Variants in REXO2 observed in about 807,000 individuals in gnomAD.
The protein encoded by REXO2 is oligoribonuclease, mitochondrial.
REXO2 carries 17 observed loss-of-function variants against 30.9 expected under a neutral mutation model. The observed-to-expected ratio is 0.55, with a 90% CI of 0.38 to 0.82. The LOEUF is 0.82. Among genes scored for constraint, REXO2 ranks in the 40% least tolerant of loss-of-function variants. The probability of loss-of-function intolerance (pLI) is 0.00; values close to 1 mark genes in which losing one functional copy is unlikely to be tolerated. For missense variants in REXO2, 253 were observed against 293.2 expected (o/e 0.86, Z 1.00); for synonymous variants, 105 against 99.6 (o/e 1.05, Z -0.32).
chr11:114,444,176 A>G (rs1173588267), intron 3 of REXO2: 1 of 620,942 alleles, frequency 1.6e-6, no homozygotes, highest in African/African-American at 1.8e-5. Context: ...CGCATTGTGG[A>G]TTGTCAAGTA....
chr11:114,443,916 A>G lies in REXO2; in HGVS notation c.292A>G (p.Lys98Glu). ...ELLDSMSDWC[K>E]EHHGKSGLTK... ...GCTGGACAGCATGTCAGATTGGTGT[A>G]AGGAGCATCACGGGAAGGTAACATT... is the stretch of plus-strand genomic sequence containing the variant. The change falls in exon 3 of 7, where the codon AAG becomes GAG. Residue 98 changes from lysine (K) to glutamate (E), a missense_variant. Coordinates refer to ENST00000265881, the MANE Select transcript of REXO2 (RefSeq NM_015523.4). 1.2e-6 allele frequency: 2 copies of G among 1,608,340 alleles called. No individual in the cohort carries two copies. Among genetic ancestry groups the G allele is most frequent in the South Asian group, 1.1e-5 (1 of 89,562 alleles).
intron 4 of REXO2, 142 bp downstream of exon 4, chr11:114,444,794 A>G (rs1046800423): frequency 6.7e-6 from 3 of 446,696 alleles, no homozygotes; most frequent in East Asian, 3.6e-5. Flanking sequence ...TTTCTGTTCA[A>G]GTTTCTCTGT....
intron 1 of REXO2, 105 bp downstream of exon 1, chr11:114,439,780 T>C: frequency 7.4e-7 from 1 of 1,354,374 alleles, no homozygotes; most frequent in Non-Finnish European, 9.7e-7. Flanking sequence ...GGGTCTCAGG[T>C]GTGGCAGGTG....
rs749877774 is a variant in REXO2 at position 114,447,857 on chromosome 11, C to T, written c.562C>T (p.Pro188Ser). Residue 188 changes from proline to serine, a missense_variant, in exon 6 of 7, where the codon CCA becomes TCA. Pro to Ser is a moderately conservative substitution (Grantham distance 74). Coordinates refer to ENST00000265881, the MANE Select transcript of REXO2 (RefSeq NM_015523.4). ...RWYPEEYEFA[P>S]KKAASHRALD... ...GTATCCAGAAGAATATGAATTTGCA[C>T]CAAAGAAGGCTGCTTCTCATAGGTA... 5.0e-6 allele frequency: 8 copies of T among 1,613,720 alleles called. No homozygotes were observed. Among genetic ancestry groups the T allele is most frequent in the Non-Finnish European group, 6.8e-6 (8 of 1,179,878 alleles).
chr11:114,447,704 G>T, intron 5 of REXO2, 122 bp from the exon 6 acceptor site: 1 of 735,968 alleles, frequency 1.4e-6, no homozygotes. Context: ...CCCCGGCAAA[G>T]AAGCAACTTG....
At chr11:114,439,863 C>A in intron 1 of REXO2, 188 bp downstream of exon 1, 1 of 645,452 alleles carries the variant, frequency 1.5e-6, no homozygotes, top group South Asian at 2.0e-5. Context: ...CGCCGTGCTG[C>A]GCTGTAGGGC....
At chr11:114,442,842 G>C (rs1196762185) in intron 2 of REXO2, among the ~76,000 whole-genome samples, 1 of 151,922 alleles carries the variant, frequency 6.6e-6, no homozygotes. Flanking sequence ...GAATTTGAGG[G>C]CTACTTTGTG....
At position 114,445,966 on chromosome 11, in the gene REXO2, C is replaced by A; in HGVS notation, c.422-13C>A. On this transcript the variant is annotated splice_polypyrimidine_tract_variant and intron_variant, in intron 4 of 6. Transcript: ENST00000265881. Reference sequence around the variant, plus strand: ...AGAAATATAGAGATGCAGTATGCTTCGTGTCTTTCTAGGAAATTCAGTTCA... The same window carrying A: ...AGAAATATAGAGATGCAGTATGCTTAGTGTCTTTCTAGGAAATTCAGTTCA... 2 of 1,392,760 alleles carry A rather than the reference C, an allele frequency of 1.4e-6. No homozygotes were observed. Among genetic ancestry groups the A allele is most frequent in the Non-Finnish European group, 2.0e-6 (2 of 979,152 alleles). 86.3% of individuals were successfully genotyped at this position (1,392,760 alleles called of 1,614,324 possible).
intron 3 of REXO2, 169 bp from the exon 4 acceptor site, chr11:114,444,372 G>A: frequency 1.6e-6 from 1 of 629,222 alleles, no homozygotes; most frequent in Admixed American, 2.8e-5. Flanking sequence ...GATTCTTGAA[G>A]AAAAAAAAAT....
At chr11:114,448,017 T>C in intron 6 of REXO2, 138 bp downstream of exon 6, 1 of 675,322 alleles carries the variant, frequency 1.5e-6, no homozygotes, top group Non-Finnish European at 2.5e-6. Flanking sequence ...CATAACATTC[T>C]TTTACTGTTA....
chr11:114,441,627 T>C lies in REXO2; in HGVS notation c.231+888T>C, dbSNP rs1279734618. On this transcript the variant is annotated intron_variant, in intron 2 of 6. Transcript: ENST00000265881. ...CCAGAATAGGAACAAAGTAGGGATG[T>C]TTGTGGAAAAGAGAGTCTTGTTAAA... The C allele has an allele frequency of 4.6e-6, 3 of 658,016 alleles. No individual in the cohort carries two copies. In the African/African-American group the frequency reaches 5.3e-5, roughly 12 times the overall value. 40.8% of individuals were successfully genotyped at this position (658,016 alleles called of 1,614,324 possible). A position where few individuals can be genotyped will look rare whatever the true frequency, so the allele number is the denominator to read the frequency against.
intron 2 of REXO2, chr11:114,441,669 T>C: frequency 1.4e-6 from 1 of 698,424 alleles, no homozygotes; most frequent in Non-Finnish European, 2.6e-6. Flanking sequence ...TCCTAGAGGG[T>C]AGCATTGATA....
intron 5 of REXO2, among the ~76,000 whole-genome samples, chr11:114,446,932 G>A (rs1293027729): frequency 7.2e-6 from 1 of 138,370 alleles, no homozygotes; most frequent in Non-Finnish European, 1.5e-5. Context: ...TAGAAAGGAG[G>A]CTTTTTTTTT....
At chr11:114,439,822 G>A in intron 1 of REXO2, 147 bp downstream of exon 1, 1 of 963,476 alleles carries the variant, frequency 1.0e-6, no homozygotes, top group Non-Finnish European at 1.5e-6. Context: ...TGCAGGGCAA[G>A]TCCGGAGGCA....
chr11:114,449,997 T>C lies in REXO2; in HGVS notation c.*22T>C. ...TTGATGCCAGTTATCATGCTGCCAC[T>C]ACATCGTTATCTGGAGGCAACTTCT... On this transcript the variant is annotated 3_prime_UTR_variant, in exon 7 of 7. Coordinates refer to ENST00000265881, the MANE Select transcript of REXO2 (RefSeq NM_015523.4). The C allele has an allele frequency of 6.4e-7, 1 of 1,571,800 alleles. No individual in the cohort carries two copies. Among genetic ancestry groups the C allele is most frequent in the Non-Finnish European group, 8.6e-7 (1 of 1,161,752 alleles).
intron 2 of REXO2, among the ~76,000 whole-genome samples, chr11:114,442,484 C>T (rs1946485285): frequency 6.6e-6 from 1 of 152,076 alleles, no homozygotes; most frequent in Non-Finnish European, 1.5e-5. Context: ...AGATTACCAA[C>T]ACCAGTTTTC....
At position 114,439,635 on chromosome 11, in the gene REXO2, G is replaced by A. The variant is rs144263894; in HGVS notation, c.107G>A (p.Gly36Glu). Residue 36 changes from glycine to glutamate, a missense_variant, in exon 1 of 7, where the codon GGG (glycine) becomes GAG (glutamate). Coordinates refer to ENST00000265881, the MANE Select transcript of REXO2 (RefSeq NM_015523.4). ...VREGGAAMAA[G>E]ESMAQRMVWV... ...GAAGGTGGCGCAGCCATGGCGGCAG[G>A]GGAGAGCATGGCTCAGCGGATGGTC... 114 of 1,597,040 alleles carry A rather than the reference G, an allele frequency of 7.1e-5. 1 individual carries two copies. The African/African-American group carries it at 1.3e-3, about 19-fold the overall frequency.
At chr11:114,444,085 T>G (rs1946497133) in intron 3 of REXO2, 152 bp downstream of exon 3, 1 of 697,406 alleles carries the variant, frequency 1.4e-6, no homozygotes. Flanking sequence ...GCTTGTTTAC[T>G]TTTCATCTTT....
At chr11:114,440,855 G>A in intron 2 of REXO2, 116 bp downstream of exon 2, 2 of 752,648 alleles carry the variant, frequency 2.7e-6, no homozygotes, top group Non-Finnish European at 4.4e-6. Context: ...TATGGGTTAA[G>A]GTAATGTGCT....
Sources: gnomAD v4.1 joint callset for allele counts (sites outside exome capture counted in the v4.1 genomes callset) on GRCh38, gnomAD v4.1.1 for gene constraint, MANE v1.5 for transcripts, NCBI Gene and HGNC (gene_info 2026-07-23, HGNC 2026-07-21) for gene names.